CDH10: variants seen among roughly 807,000 people sequenced by gnomAD.
CDH10 encodes cadherin 10, also known as cadherin-10.
A neutral mutation model predicts 73.1 loss-of-function variants in CDH10; 30 were observed. That is an observed-to-expected ratio of 0.41 (90% CI 0.31 to 0.56). The LOEUF (loss-of-function observed/expected upper bound fraction) is 0.56, where lower values mean the gene tolerates loss of function less well. CDH10 is among the 20% of genes least tolerant of loss of function. CDH10 has a pLI of 0.27. For synonymous variants in CDH10, 345 were observed against 348.2 expected (o/e 0.99, Z 0.10); for missense variants, 815 against 973.7 (o/e 0.84, Z 2.17).
intron 1 of CDH10, among the ~76,000 whole-genome samples, chr5:24,625,796 C>T (rs1747477558): frequency 6.6e-6 from 1 of 151,456 alleles, no homozygotes; most frequent in South Asian, 2.1e-4. Context: ...TAAAGTTCTC[C>T]TACATCACAA....
At chr5:24,610,875 G>C (rs1253159893) in intron 1 of CDH10, among the ~76,000 whole-genome samples, 1 of 152,134 alleles carries the variant, frequency 6.6e-6, no homozygotes, top group Admixed American at 6.6e-5. Flanking sequence ...TTGCTCCTTT[G>C]CAGTCACTGA....
chr5:24,531,192 T>C (rs554871972), intron 5 of CDH10, among the ~76,000 whole-genome samples: 1 of 152,096 alleles, frequency 6.6e-6, no homozygotes, highest in Non-Finnish European at 1.5e-5. Context: ...TGACAGCTTC[T>C]ATTAGCCTTC....
intron 2 of CDH10, among the ~76,000 whole-genome samples, chr5:24,565,771 A>C (rs1365451797): frequency 1.3e-5 from 2 of 151,742 alleles, no homozygotes; most frequent in African/African-American, 4.9e-5. Context: ...TCACACACAC[A>C]CACACCCACA....
intron 2 of CDH10, among the ~76,000 whole-genome samples, chr5:24,569,217 C>A (rs1342234837): frequency 7.2e-5 from 11 of 151,858 alleles, no homozygotes; most frequent in Admixed American, 5.2e-4. Flanking sequence ...TTTATAGAGA[C>A]AGAAAATAGC....
At chr5:24,643,087 C>T (rs934640807) in intron 1 of CDH10, among the ~76,000 whole-genome samples, 3 of 152,064 alleles carry the variant, frequency 2.0e-5, no homozygotes, top group Admixed American at 1.3e-4. Flanking sequence ...CCTGTGCACT[C>T]TCCAGTCTCT....
intron 1 of CDH10, among the ~76,000 whole-genome samples, chr5:24,606,799 C>A (rs1025789383): frequency 9.9e-5 from 15 of 152,148 alleles, no homozygotes; most frequent in African/African-American, 3.4e-4. Context: ...TACTACATAT[C>A]CATTATATAT....
In CDH10 at chr5:24,511,557, G is replaced by C. The variant is rs771937820; in HGVS notation, c.815-43C>G. On this transcript the variant is annotated intron_variant, in intron 5 of 11. Coordinates refer to ENST00000264463, the MANE Select transcript of CDH10 (RefSeq NM_006727.5). The stretch of plus-strand genomic sequence containing the variant: ...AAGAAGAGAGAGACAGAGAGAGAGA[G>C]AGAGAGAGAGAGAGAGAGAGAGAGA... The C allele has an allele frequency of 2.7e-3, 959 of 358,564 alleles. 6 individuals carry two copies. The highest frequency in any genetic ancestry group is 0.013 in the African/African-American group (468 of 35,572). The allele number at this position is 358,564 out of a possible 1,614,324, so 22.2% of individuals were successfully genotyped here.
intron 2 of CDH10, among the ~76,000 whole-genome samples, chr5:24,572,927 T>TAGAAAA (rs1561171583): frequency 2.7e-5 from 1 of 36,900 alleles, no homozygotes; most frequent in African/African-American, 7.3e-5. Context: ...TAATTGTACT[T>TAGAAAA]AGAAAAAGAA....
At chr5:24,637,955 G>C (rs1747920647) in intron 1 of CDH10, among the ~76,000 whole-genome samples, 1 of 151,630 alleles carries the variant, frequency 6.6e-6, no homozygotes, top group African/African-American at 2.4e-5. Context: ...GCTTGATCTA[G>C]CCTCTACTTA....
intron 5 of CDH10, among the ~76,000 whole-genome samples, chr5:24,528,997 A>C (rs991744200): frequency 6.6e-6 from 1 of 151,978 alleles, no homozygotes; most frequent in Non-Finnish European, 1.5e-5. Context: ...TATTAATGGA[A>C]AAATTACTTT....
At chr5:24,627,386 G>GA (rs936735048) in intron 1 of CDH10, among the ~76,000 whole-genome samples, 1 of 151,548 alleles carries the variant, frequency 6.6e-6, no homozygotes, top group Admixed American at 6.6e-5. Context: ...CATTGAAAAG[G>GA]AAAAAAATAA....
chr5:24,597,922 C>T (rs1746427615), intron 1 of CDH10, among the ~76,000 whole-genome samples: 1 of 151,516 alleles, frequency 6.6e-6, no homozygotes, highest in East Asian at 1.9e-4. Context: ...GATTAGGATC[C>T]TAATGTACCA....
intron 5 of CDH10, among the ~76,000 whole-genome samples, chr5:24,521,671 A>G (rs1301307406): frequency 3.3e-5 from 5 of 152,132 alleles, no homozygotes; most frequent in African/African-American, 1.2e-4. Context: ...ACTCTAAAAA[A>G]TAACTCAGCA....
chr5:24,518,370 G>C (rs1034699688), intron 5 of CDH10, among the ~76,000 whole-genome samples: 1 of 151,844 alleles, frequency 6.6e-6, no homozygotes, highest in Non-Finnish European at 1.5e-5. Flanking sequence ...GACAGAGACA[G>C]ATATATATAC....
intron 2 of CDH10, among the ~76,000 whole-genome samples, chr5:24,548,243 T>C (rs932811208): frequency 6.6e-6 from 1 of 152,102 alleles, no homozygotes. Flanking sequence ...TTCTCCTGCT[T>C]CAGCCTCCTG....
At chr5:24,491,464 G>T in intron 11 of CDH10, 112 bp downstream of exon 11, 1 of 775,252 alleles carries the variant, frequency 1.3e-6, no homozygotes, top group Non-Finnish European at 2.1e-6. Context: ...GTTAATTTAT[G>T]TCTATCTTAA....
chr5:24,639,034 T>C (rs1000507854), intron 1 of CDH10, among the ~76,000 whole-genome samples: 1 of 151,634 alleles, frequency 6.6e-6, no homozygotes, highest in Non-Finnish European at 1.5e-5. Context: ...AAATAATTGA[T>C]AAATACACTT....
chr5:24,611,316 G>C (rs898335342), intron 1 of CDH10, among the ~76,000 whole-genome samples: 1 of 152,058 alleles, frequency 6.6e-6, no homozygotes, highest in African/African-American at 2.4e-5. Flanking sequence ...GCCTGATGTG[G>C]GGGCTCCATG....
At chr5:24,600,932 C>G (rs935466624) in intron 1 of CDH10, among the ~76,000 whole-genome samples, 2 of 151,652 alleles carry the variant, frequency 1.3e-5, no homozygotes, top group African/African-American at 2.4e-5. Context: ...CTACTGTAGA[C>G]AGTGTTGGGT....
Sources: allele counts gnomAD v4.1 joint callset (sites outside exome capture counted in the v4.1 genomes callset), GRCh38; gene constraint gnomAD v4.1.1; transcripts MANE v1.5; gene names NCBI Gene and HGNC (gene_info 2026-07-23, HGNC 2026-07-21).